UTP20: variants seen among roughly 807,000 people sequenced by gnomAD.
The protein encoded by UTP20 is UTP20 small subunit processome component.
A neutral mutation model predicts 329.5 loss-of-function variants in UTP20; 164 were observed. The observed-to-expected ratio is 0.50, with a 90% CI of 0.44 to 0.57. UTP20 has a LOEUF of 0.57. UTP20 is among the 20% of genes least tolerant of loss of function. The pLI, the probability that UTP20 is intolerant of heterozygous loss-of-function variation, is 0.00. For synonymous variants in UTP20, 1,151 were observed against 1,159.3 expected, an observed-to-expected ratio of 0.99 and a Z score of 0.14; for missense variants, 3,055 against 3,284.2, an observed-to-expected ratio of 0.93 and a Z score of 1.71.
chr12:101,296,454 C>G (rs1164630382), intron 12 of UTP20, among the ~76,000 whole-genome samples: 1 of 152,020 alleles, frequency 6.6e-6, no homozygotes, highest in African/African-American at 2.4e-5. Flanking sequence ...GCCTGTAGTC[C>G]TAGTTACTCG....
In UTP20 at chr12:101,375,731, C is replaced by T. The variant is rs141512204; in HGVS notation, c.7371C>T (p.Pro2457=). 68 of 1,585,328 alleles carry T rather than the reference C, an allele frequency of 4.3e-5. No homozygotes were observed. In the African/African-American group the frequency reaches 7.7e-4, roughly 18 times the overall value. ...GTAATATTATTCAGTTTACCAAACCCGCTGAGACTTTGAGTAAAATCTGGA... is the reference window on the plus strand; with the variant it reads ...GTAATATTATTCAGTTTACCAAACCTGCTGAGACTTTGAGTAAAATCTGGA... The part of the protein sequence containing the change: ...KECNIIQFTK[P]AETLSKIWSH... The change falls in exon 56 of 62, where the codon CCC becomes CCT. Residue 2457 remains proline, a synonymous_variant. Coordinates refer to ENST00000261637, the MANE Select transcript of UTP20 (RefSeq NM_014503.3).
chr12:101,345,516 T>C (rs201790673), intron 36 of UTP20, 38 bp from the exon 37 acceptor site: 2 of 1,328,766 alleles, frequency 1.5e-6, no homozygotes, highest in Admixed American at 5.2e-5. Flanking sequence ...CAAATTCTTT[T>C]TAAAATAAAA....
At position 101,344,712 on chromosome 12, in the gene UTP20, C is replaced by T. The variant is rs773132685; in HGVS notation, c.4567C>T (p.Leu1523=). ...TAGAGAAATCATCCACCGTTCACTCCTGGAGAAATTGAGAAAAGGTCTGAA... is the reference window on the plus strand; with the variant it reads ...TAGAGAAATCATCCACCGTTCACTCTTGGAGAAATTGAGAAAAGGTCTGAA... ...DYREIIHRSL[L]EKLRKGLKSQ... is the part of the protein sequence containing the mutation. Residue 1523 remains leucine, a synonymous_variant, in exon 36 of 62, where the codon CTG becomes TTG. Transcript: ENST00000261637. 61 of 1,613,830 alleles carry T rather than the reference C, an allele frequency of 3.8e-5. No homozygotes were observed. The highest frequency in any genetic ancestry group is 4.7e-5 in the Non-Finnish European group (56 of 1,179,818).
chr12:101,295,732 A>G (rs1311720407), intron 12 of UTP20, 74 bp downstream of exon 12: 41 of 1,412,432 alleles, frequency 2.9e-5, no homozygotes, highest in Non-Finnish European at 3.9e-5. Flanking sequence ...AGAATACTGT[A>G]AAAAAATGAT....
At chr12:101,370,710 A>G (rs1870256534) in intron 50 of UTP20, 147 bp downstream of exon 50, 1 of 849,704 alleles carries the variant, frequency 1.2e-6, no homozygotes, top group Non-Finnish European at 1.8e-6. Context: ...TGGGTCAATT[A>G]CAGGTGAACA....
At chr12:101,310,048 C>T (rs1212695898) in intron 19 of UTP20, among the ~76,000 whole-genome samples, 1 of 152,130 alleles carries the variant, frequency 6.6e-6, no homozygotes, top group Non-Finnish European at 1.5e-5. Flanking sequence ...CAATATTATA[C>T]GTGTGTCTCT....
chr12:101,384,977 C>T (rs1870777143), intron 60 of UTP20, among the ~76,000 whole-genome samples: 1 of 151,886 alleles, frequency 6.6e-6, no homozygotes, highest in Non-Finnish European at 1.5e-5. Flanking sequence ...GAACAGATGT[C>T]CTGAGCTCCT....
chr12:101,351,517 G>A (rs543867055), intron 38 of UTP20, among the ~76,000 whole-genome samples: 2 of 150,344 alleles, frequency 1.3e-5, no homozygotes, highest in South Asian at 4.2e-4. Context: ...GTGTCTCTGA[G>A]GCAGTGTACT....
rs1868374456 is a variant in UTP20 at position 101,321,556 on chromosome 12, C to T, written c.2968C>T (p.His990Tyr). Reference sequence around the variant, plus strand: ...CAGAAGCTTTAAGGAAGAGATAGTGCATTTTAGCATTTCAGAAGATAATGC... The same window carrying T: ...CAGAAGCTTTAAGGAAGAGATAGTGTATTTTAGCATTTCAGAAGATAATGC... ...EDRSFKEEIVHFSISEDNAVV... is the reference protein window; with the variant it reads ...EDRSFKEEIVYFSISEDNAVV... The change falls in exon 25 of 62, where the codon CAT becomes TAT. Residue 990 changes from histidine to tyrosine, a missense_variant. Transcript: ENST00000261637. The T allele has an allele frequency of 1.9e-6, 3 of 1,613,448 alleles. No homozygotes were observed. The highest frequency in any genetic ancestry group is 2.7e-5 in the African/African-American group (2 of 74,912).
intron 25 of UTP20, among the ~76,000 whole-genome samples, chr12:101,322,078 C>T (rs914030372): frequency 5.3e-5 from 8 of 152,144 alleles, no homozygotes; most frequent in Admixed American, 3.3e-4. Context: ...AACCTCCGCC[C>T]TCCCAGGTTC....
At position 101,306,021 on chromosome 12, in the gene UTP20, T is replaced by A. The variant is rs1323734878; in HGVS notation, c.1888T>A (p.Leu630Ile). 1.2e-6 allele frequency: 2 copies of A among 1,613,642 alleles called. No individual in the cohort carries two copies. The highest frequency in any genetic ancestry group is 4.5e-5 in the East Asian group (2 of 44,842). The change falls in exon 16 of 62, where the codon TTA (leucine) becomes ATA (isoleucine). Residue 630 changes from leucine to isoleucine, a missense_variant. This residue lies in a region of UTP20 where 2,445 missense variants were observed against 2,575.5 expected (regional missense o/e 0.95). Transcript: ENST00000261637. The part of the protein sequence containing the change: ...GPLSQEALME[L>I]FPKLQANIST... ...ACTTTCCCAGGAGGCTTTAATGGAA[T>A]TATTTCCCAAGTTACAAGCAAACAT... is the stretch of plus-strand genomic sequence containing the variant.
Position 101,280,313 on chromosome 12 carries a change from G to C in UTP20, c.31G>C (p.Glu11Gln). 6.4e-7 allele frequency: 1 copy of C among 1,551,606 alleles called. No individual in the cohort carries two copies. The highest frequency in any genetic ancestry group is 1.7e-4 in the Middle Eastern group (1 of 5,992). ...GACAAAGCCCGTTTCCCACAAGACC[G>C]AGAACACCTACCGGGTGAGCGCGGG... MKTKPVSHKT[E>Q]NTYRFLTFAE... The change falls in exon 1 of 62, where the codon GAG (glutamate) becomes CAG (glutamine). Residue 11 changes from glutamate to glutamine, a missense_variant. Around this residue, in one of 3 missense-constraint regions of UTP20, gnomAD observed 2,445 missense variants for 2,575.5 expected, o/e 0.95. Coordinates refer to ENST00000261637, the MANE Select transcript of UTP20 (RefSeq NM_014503.3).
In UTP20 at chr12:101,342,989, C is replaced by T. The variant is rs781306759; in HGVS notation, c.4345C>T (p.Arg1449Cys). ...RHLDDINFDV[R>C]FETFQTITSY... Reference sequence around the variant, plus strand: ...TCTTGATGATATCAACTTCGACGTTCGCTTTGAGACTTTCCAGACCATCAC... The same window carrying T: ...TCTTGATGATATCAACTTCGACGTTTGCTTTGAGACTTTCCAGACCATCAC... Residue 1449 changes from arginine (R) to cysteine (C), a missense_variant, in exon 35 of 62, where the codon CGC becomes TGC. Physicochemically the swap from Arg to Cys is radical, Grantham distance 180 (BLOSUM62 -3). This residue lies in a region of UTP20 where 2,445 missense variants were observed against 2,575.5 expected (regional missense o/e 0.95). Coordinates refer to ENST00000261637, the MANE Select transcript of UTP20 (RefSeq NM_014503.3). 1.3e-5 allele frequency: 21 copies of T among 1,613,644 alleles called. No homozygotes were observed. The highest frequency in any genetic ancestry group is 1.6e-4 in the Middle Eastern group (1 of 6,084).
chr12:101,355,372 TA>T (rs1451793604), intron 41 of UTP20, among the ~76,000 whole-genome samples: 19 of 152,302 alleles, frequency 1.2e-4, no homozygotes, highest in African/African-American at 4.6e-4. Flanking sequence ...AAGTAGTTAT[TA>T]AGAGACTCCC....
intron 2 of UTP20, among the ~76,000 whole-genome samples, chr12:101,283,972 A>G (rs1593415034): frequency 6.6e-6 from 1 of 150,596 alleles, no homozygotes; most frequent in African/African-American, 2.4e-5. Flanking sequence ...TCCAAAGAAC[A>G]GTTTAAGGAT....
rs1341011285 is a variant in UTP20, at chr12:101,318,304, G to A, written c.2738+641G>A. Among the ~76,000 whole-genome samples, 3 of 152,112 alleles carry A rather than the reference G, an allele frequency of 2.0e-5. No homozygotes were observed. The East Asian group carries it at 5.8e-4, about 29-fold the overall frequency. On this transcript the variant is annotated intron_variant, in intron 22 of 61. Coordinates refer to ENST00000261637, the MANE Select transcript of UTP20 (RefSeq NM_014503.3). ...TTGAGTGTCTCAGGTCCACTGGATT[G>A]GTGCAAATATTATTTTAACACTTTA... is the stretch of plus-strand genomic sequence containing the variant.
In UTP20 at chr12:101,317,564, A is replaced by G; in HGVS notation, c.2639A>G (p.Glu880Gly). The change falls in exon 22 of 62, where the codon GAA (glutamate) becomes GGA (glycine). Residue 880 changes from glutamate (E) to glycine (G), a missense_variant. Around this residue, in one of 3 missense-constraint regions of UTP20, gnomAD observed 2,445 missense variants for 2,575.5 expected, o/e 0.95. Coordinates refer to ENST00000261637, the MANE Select transcript of UTP20 (RefSeq NM_014503.3). The stretch of plus-strand genomic sequence containing the variant: ...AAAGGGATGGTGGCAGAGGAAATCG[A>G]AGAGGAACCTGCCGCAGGAGATGAT... ...KGKGMVAEEIEEEPAAGDDEE... is the reference protein window; with the variant it reads ...KGKGMVAEEIGEEPAAGDDEE... 1 of 1,614,180 alleles carries G rather than the reference A, an allele frequency of 6.2e-7. No individual in the cohort carries two copies. Among genetic ancestry groups the G allele is most frequent in the South Asian group, 1.1e-5 (1 of 91,086 alleles).
chr12:101,325,081 A>G (rs1593433535), intron 25 of UTP20, among the ~76,000 whole-genome samples: 1 of 152,212 alleles, frequency 6.6e-6, no homozygotes, highest in East Asian at 1.9e-4. Flanking sequence ...AATAGCAGTC[A>G]CAGATTATGT....
In UTP20 at chr12:101,311,776, A is replaced by G. The variant is rs777401431; in HGVS notation, c.2289A>G (p.Leu763=). The change falls in exon 20 of 62, where the codon CTA becomes CTG. Residue 763 remains leucine, a synonymous_variant. Transcript: ENST00000261637. The part of the protein sequence containing the change: ...KQFWKVYYEH[L]EKAATHAEKE... ...TTTGGAAAGTCTACTATGAGCATCT[A>G]GAAAAAGCAGCTACGCATGCTGGTA... 173 of 1,613,428 alleles carry G rather than the reference A, an allele frequency of 1.1e-4. No individual in the cohort carries two copies. The highest frequency in any genetic ancestry group is 1.4e-4 in the Non-Finnish European group (167 of 1,179,904).
Sources: allele counts gnomAD v4.1 joint callset (sites outside exome capture counted in the v4.1 genomes callset), GRCh38; gene constraint gnomAD v4.1.1; regional missense constraint gnomAD v4.1.1; transcripts MANE v1.5; gene names NCBI Gene and HGNC (gene_info 2026-07-23, HGNC 2026-07-21).